FHAD1: variants seen among roughly 807,000 people sequenced by gnomAD.
FHAD1 encodes forkhead associated phosphopeptide binding domain 1.
FHAD1 carries 146 observed loss-of-function variants against 191.3 expected under a neutral mutation model. The observed-to-expected ratio is 0.76, with a 90% confidence interval of 0.67 to 0.88. The LOEUF (loss-of-function observed/expected upper bound fraction) is 0.88, where lower values mean the gene tolerates loss of function less well. FHAD1 is among the 40% of genes least tolerant of loss of function. FHAD1 has a pLI of 0.00. For synonymous variants in FHAD1, 616 were observed against 672.3 expected (o/e 0.92, Z 1.29); for missense variants, 1,635 against 1,785.8 (o/e 0.92, Z 1.52).
At chr1:15,254,999 T>A (rs970076536) in intron 2 of FHAD1, among the ~76,000 whole-genome samples, 8 of 152,164 alleles carry the variant, frequency 5.3e-5, no homozygotes, top group Non-Finnish European at 1.0e-4. Context: ...CCTTTCTGAT[T>A]AACCTGAGAA....
At position 15,316,125 on chromosome 1, in the gene FHAD1, G is replaced by C. The variant is rs1310832273; in HGVS notation, c.1171-253G>C. Among the ~76,000 whole-genome samples, 3 of 152,250 alleles carry C rather than the reference G, an allele frequency of 2.0e-5. No homozygotes were observed. The highest frequency in any genetic ancestry group is 2.9e-5 in the Non-Finnish European group (2 of 68,052). On this transcript the variant is annotated intron_variant, in intron 8 of 33. Transcript: ENST00000688493. This position sits in a 1 kb window ranked among gnomAD's most constrained non-coding sequence, Gnocchi z 4.3. Reference sequence around the variant, plus strand: ...AAAGCTGGATTTTCCTTGTGGTTTAGATTGCTGGCTTTTGAAGATGAGAGT... The same window carrying C: ...AAAGCTGGATTTTCCTTGTGGTTTACATTGCTGGCTTTTGAAGATGAGAGT...
At chr1:15,393,939 C>T (rs1290894636) in intron 33 of FHAD1, among the ~76,000 whole-genome samples, 8 of 152,096 alleles carry the variant, frequency 5.3e-5, no homozygotes, top group African/African-American at 1.9e-4. Flanking sequence ...TAAACTTAGA[C>T]CTGAGGTTGT....
intron 32 of FHAD1, among the ~76,000 whole-genome samples, chr1:15,390,021 A>G (rs924919456): frequency 1.3e-5 from 2 of 152,192 alleles, no homozygotes; most frequent in African/African-American, 4.8e-5. Context: ...ATAGCAGCCC[A>G]CGGCTATGCC....
intron 3 of FHAD1, among the ~76,000 whole-genome samples, chr1:15,284,854 G>A (rs1353350758): frequency 6.6e-6 from 1 of 151,666 alleles, no homozygotes; most frequent in African/African-American, 2.4e-5. Flanking sequence ...AAGCACATGC[G>A]GCCTCAAAAA....
intron 14 of FHAD1, among the ~76,000 whole-genome samples, chr1:15,330,391 G>A (rs1680738541): frequency 6.6e-6 from 1 of 152,166 alleles, no homozygotes; most frequent in African/African-American, 2.4e-5. Flanking sequence ...ACGTAACGGG[G>A]TCAGGAACAG....
chr1:15,310,260 G>A (rs1326786972), intron 7 of FHAD1, among the ~76,000 whole-genome samples: 2 of 152,194 alleles, frequency 1.3e-5, no homozygotes, highest in Non-Finnish European at 2.9e-5. Context: ...CGCTGTCTCC[G>A]CAGGACCCAG....
At chr1:15,401,856 C>A (rs1707135472), downstream of FHAD1, among the ~76,000 whole-genome samples, 1 of 152,204 alleles carries the variant, frequency 6.6e-6, no homozygotes, top group South Asian at 2.1e-4. Flanking sequence ...AGGTGCACTG[C>A]TTGCATCCGT....
In FHAD1 at chr1:15,311,954, C is replaced by T. The variant is rs1296582733; in HGVS notation, c.1040-1103C>T. ...AGCCCGACTAGGGCTCGAGGATCCC[C>T]TTCTGGAATGACTCGCTCACATGGC... is the stretch of plus-strand genomic sequence containing the variant. On this transcript the variant is annotated intron_variant, in intron 7 of 33. Coordinates refer to ENST00000688493, the MANE Select transcript of FHAD1 (RefSeq NM_001391957.1). This position sits in a 1 kb window ranked among gnomAD's most constrained non-coding sequence, Gnocchi z 4.1. Among the ~76,000 whole-genome samples the T allele has an allele frequency of 6.6e-6, 1 of 152,208 alleles. No homozygotes were observed. The highest frequency in any genetic ancestry group is 1.5e-5 in the Non-Finnish European group (1 of 68,040).
At position 15,374,539 on chromosome 1, in the gene FHAD1, G is replaced by C. The variant is rs776924307; in HGVS notation, c.3485G>C (p.Gly1162Ala). Residue 1162 changes from glycine to alanine, a missense_variant, in exon 27 of 34, where the codon GGG becomes GCG. Coordinates refer to ENST00000688493, the MANE Select transcript of FHAD1 (RefSeq NM_001391957.1). ...AGCGATCTAGGGGTCAGGTGCAAAGGGTCCCGGCACGAGGAGGTCATTCAG... is the reference window on the plus strand; with the variant it reads ...AGCGATCTAGGGGTCAGGTGCAAAGCGTCCCGGCACGAGGAGGTCATTCAG... ...SFSDLGVRCK[G>A]SRHEEVIQRQ... 6.4e-7 allele frequency: 1 copy of C among 1,551,580 alleles called. No homozygotes were observed. The highest frequency in any genetic ancestry group is 1.4e-5 in the African/African-American group (1 of 72,982).
chr1:15,309,216 T>A (rs926396577), intron 7 of FHAD1, among the ~76,000 whole-genome samples: 1 of 152,188 alleles, frequency 6.6e-6, no homozygotes, highest in Non-Finnish European at 1.5e-5. Flanking sequence ...ACTCAAGAAC[T>A]TGGGTGGGCA....
At chr1:15,279,788 G>T (rs7516179) in intron 3 of FHAD1, among the ~76,000 whole-genome samples, 16,715 of 151,932 alleles carry the variant, frequency 0.11, 2,430 homozygotes, top group African/African-American at 0.33. Flanking sequence ...CAGGCCTGGG[G>T]CATACTCCCT....
intron 4 of FHAD1, among the ~76,000 whole-genome samples, chr1:15,290,844 G>A (rs1444299137): frequency 6.6e-6 from 1 of 152,008 alleles, no homozygotes; most frequent in Admixed American, 6.6e-5. Context: ...GAGTAGCTGG[G>A]ACTACAGGCT....
At chr1:15,374,721 A>G in intron 27 of FHAD1, 90 bp downstream of exon 27, 1 of 1,477,954 alleles carries the variant, frequency 6.8e-7, no homozygotes. Context: ...ACCATGTTTT[A>G]TCTGCATCAT....
chr1:15,353,463 G>A (rs1225772144), intron 20 of FHAD1, among the ~76,000 whole-genome samples: 1 of 152,066 alleles, frequency 6.6e-6, no homozygotes, highest in East Asian at 1.9e-4. Context: ...CCAGCATTTT[G>A]GGAGGCTGAA....
At chr1:15,360,258 C>A (rs921489878) in intron 21 of FHAD1, among the ~76,000 whole-genome samples, 1 of 152,208 alleles carries the variant, frequency 6.6e-6, no homozygotes, top group African/African-American at 2.4e-5. Flanking sequence ...TCAGGGAGGG[C>A]CTCTCAGAGG....
At position 15,397,710 on chromosome 1, in the gene FHAD1, A is replaced by G. The variant is rs1310834903; in HGVS notation, c.*297A>G. On this transcript the variant is annotated 3_prime_UTR_variant, in exon 34 of 34. Coordinates refer to ENST00000688493, the MANE Select transcript of FHAD1 (RefSeq NM_001391957.1). ...ATTATGTGGTCCACGTTGGGTCATG[A>G]TGTTCCCAAATATCAAACCTCCTAA... The G allele has an allele frequency of 5.2e-6, 1 of 192,590 alleles. No individual in the cohort carries two copies. The highest frequency in any genetic ancestry group is 2.3e-5 in the African/African-American group (1 of 43,228). The allele number at this position is 192,590 out of a possible 1,614,324, so 11.9% of individuals were successfully genotyped here. A position where few individuals can be genotyped will look rare whatever the true frequency, so the allele number is the denominator to read the frequency against.
Position 15,358,116 on chromosome 1 carries a change from G to C in FHAD1, c.2569G>C (p.Glu857Gln). Residue 857 changes from glutamate (E) to glutamine (Q), a missense_variant, in exon 21 of 34, where the codon GAA becomes CAA. By Grantham distance (29) the Glu-to-Gln change is conservative. Coordinates refer to ENST00000688493, the MANE Select transcript of FHAD1 (RefSeq NM_001391957.1). The part of the protein sequence containing the change: ...NRLTKQKEEL[E>Q]LKEQKEDVLN... ...TACTTGTTTTTTTGTCTAGGAATTA[G>C]AATTAAAAGAGCAAAAAGAGGACGT... The C allele has an allele frequency of 6.6e-7, 1 of 1,506,908 alleles. No individual in the cohort carries two copies. Among genetic ancestry groups the C allele is most frequent in the South Asian group, 1.3e-5 (1 of 76,204 alleles). 93.3% of individuals were successfully genotyped at this position (1,506,908 alleles called of 1,614,324 possible). A position where few individuals can be genotyped will look rare whatever the true frequency, so the allele number is the denominator to read the frequency against.
chr1:15,254,214 C>G (rs991831201), intron 2 of FHAD1, among the ~76,000 whole-genome samples: 1 of 152,128 alleles, frequency 6.6e-6, no homozygotes, highest in African/African-American at 2.4e-5. Context: ...AAACAGTGAT[C>G]TCTGTTTTGA....
In FHAD1 at chr1:15,272,465, G is replaced by C; in HGVS notation, c.236G>C (p.Gly79Ala). 1 of 1,551,198 alleles carries C rather than the reference G, an allele frequency of 6.4e-7. No homozygotes were observed. The highest frequency in any genetic ancestry group is 8.7e-7 in the Non-Finnish European group (1 of 1,147,006). Reference sequence around the variant, plus strand: ...AACGTGGCTGTGAAGCTCATCCCTGGAGACATCCTGAGATTTGGGTCTGCA... The same window carrying C: ...AACGTGGCTGTGAAGCTCATCCCTGCAGACATCCTGAGATTTGGGTCTGCA... ...IQNVAVKLIP[G>A]DILRFGSAGL... is the part of the protein sequence containing the mutation. The change falls in exon 3 of 34, where the codon GGA becomes GCA. Residue 79 changes from glycine to alanine, a missense_variant. Coordinates refer to ENST00000688493, the MANE Select transcript of FHAD1 (RefSeq NM_001391957.1).
Sources: gnomAD v4.1 joint callset for allele counts (sites outside exome capture counted in the v4.1 genomes callset) on GRCh38, gnomAD v4.1.1 for gene constraint, Gnocchi (gnomAD v3.1) non-coding constraint, MANE v1.5 for transcripts, NCBI Gene and HGNC (gene_info 2026-07-23, HGNC 2026-07-21) for gene names.